Variants in ANKMY2 observed in about 807,000 individuals in gnomAD.
ANKMY2 encodes ankyrin repeat and MYND domain containing 2, also known as ankyrin repeat and MYND domain-containing protein 2.
A neutral mutation model predicts 50.4 loss-of-function variants in ANKMY2; 36 were observed. That is an observed-to-expected ratio of 0.71 (90% CI 0.55 to 0.94). ANKMY2 has a LOEUF of 0.94. Ranked by LOEUF, ANKMY2 falls within the 40% of genes least tolerant of loss-of-function variation. ANKMY2 has a pLI of 0.00. For missense variants in ANKMY2, 565 were observed against 524.0 expected (o/e 1.08, Z -0.76); for synonymous variants, 187 against 178.8 (o/e 1.05, Z -0.36).
chr7:16,639,033 T>C (rs533575786), intron 1 of ANKMY2, among the ~76,000 whole-genome samples: 3 of 152,332 alleles, frequency 2.0e-5, no homozygotes, highest in African/African-American at 7.2e-5. Context: ...TGAAACAGAT[T>C]GGGCTTCTAG....
At chr7:16,628,084 T>G (rs981060781) in intron 2 of ANKMY2, among the ~76,000 whole-genome samples, 1 of 152,224 alleles carries the variant, frequency 6.6e-6, no homozygotes, top group Non-Finnish European at 1.5e-5. Context: ...TTTTATGTAC[T>G]AGGCACTACT....
intron 1 of ANKMY2, chr7:16,644,950 G>C (rs890977839): frequency 7.5e-5 from 25 of 334,828 alleles, no homozygotes; most frequent in Non-Finnish European, 1.1e-4. Context: ...GGGGCTTCTG[G>C]AAGCCAGGGA....
intron 2 of ANKMY2, among the ~76,000 whole-genome samples, chr7:16,627,409 C>CT (rs1781521587): frequency 6.6e-6 from 1 of 152,146 alleles, no homozygotes; most frequent in African/African-American, 2.4e-5. Flanking sequence ...TCAGAGAGGA[C>CT]TTGCTCAACC....
At chr7:16,624,921 GT>G (rs1277439384) in intron 4 of ANKMY2, 61 bp downstream of exon 4, 13 of 1,442,610 alleles carry the variant, frequency 9.0e-6, no homozygotes, top group Non-Finnish European at 1.3e-5. Flanking sequence ...AGCAAAGTGG[GT>G]TTTTTTTCCA....
rs200492992 is a variant in ANKMY2, at chr7:16,602,509, C to T, written c.1012G>A (p.Val338Ile). Reference protein sequence around the residue: ...ASKRCSVCKMVIYCDQTCQKT... With the variant: ...ASKRCSVCKMIIYCDQTCQKT... ...TGGCAGGTTTGATCACAATATATTA[C>T]CTGAAAGCAATTGTTGGTTTATTTT... Residue 338 changes from valine to isoleucine, a missense_variant and splice_region_variant, in exon 9 of 10, where the codon GTA becomes ATA. By Grantham distance (29) the Val-to-Ile change is conservative (BLOSUM62 3). Coordinates refer to ENST00000306999, the MANE Select transcript of ANKMY2 (RefSeq NM_020319.3). 64 of 1,607,980 alleles carry T rather than the reference C, an allele frequency of 4.0e-5. No homozygotes were observed. Among genetic ancestry groups the T allele is most frequent in the Non-Finnish European group, 5.2e-5 (61 of 1,178,428 alleles).
In ANKMY2 at chr7:16,610,595, T is replaced by G; in HGVS notation, c.700A>C (p.Asn234His). 1 of 1,613,974 alleles carries G rather than the reference T, an allele frequency of 6.2e-7. No homozygotes were observed. The highest frequency in any genetic ancestry group is 1.3e-5 in the African/African-American group (1 of 75,066). ...YISCIFQKCI[N>H]FLKDGENKLD... The stretch of plus-strand genomic sequence containing the variant: ...TTATTCTCTCCATCTTTTAAGAAGT[T>G]AATGCATTTCTGAAAGATACAGCTT... The change falls in exon 6 of 10, where the codon AAC becomes CAC. Residue 234 changes from asparagine (N) to histidine (H), a missense_variant. Coordinates refer to ENST00000306999, the MANE Select transcript of ANKMY2 (RefSeq NM_020319.3).
intron 5 of ANKMY2, among the ~76,000 whole-genome samples, chr7:16,611,003 C>T (rs1214747105): frequency 6.6e-6 from 1 of 152,224 alleles, no homozygotes; most frequent in Non-Finnish European, 1.5e-5. Flanking sequence ...GATCTTCCAT[C>T]TACCTACACC....
chr7:16,605,915 C>G (rs893641432), intron 7 of ANKMY2, among the ~76,000 whole-genome samples: 9 of 151,868 alleles, frequency 5.9e-5, no homozygotes, highest in African/African-American at 2.2e-4. Context: ...GATCTCCTGA[C>G]CTTGTGATCT....
chr7:16,635,563 A>G (rs1201599689), intron 2 of ANKMY2, among the ~76,000 whole-genome samples: 1 of 152,206 alleles, frequency 6.6e-6, no homozygotes, highest in Non-Finnish European at 1.5e-5. Flanking sequence ...GAATCTAAAT[A>G]TCCATTTCCT....
chr7:16,635,376 C>G (rs1007726789), intron 2 of ANKMY2, among the ~76,000 whole-genome samples: 1 of 151,980 alleles, frequency 6.6e-6, no homozygotes, highest in Non-Finnish European at 1.5e-5. Context: ...GGAGAGATTA[C>G]AAAGGGGTAT....
intron 1 of ANKMY2, among the ~76,000 whole-genome samples, chr7:16,637,638 G>A (rs1338185939): frequency 6.6e-6 from 1 of 152,152 alleles, no homozygotes; most frequent in Non-Finnish European, 1.5e-5. Context: ...CAAAGCTCTT[G>A]TGTGTGTGAG....
intron 4 of ANKMY2, among the ~76,000 whole-genome samples, chr7:16,620,302 C>T (rs1036281927): frequency 1.3e-5 from 2 of 152,142 alleles, no homozygotes; most frequent in African/African-American, 4.8e-5. Flanking sequence ...AGAGAAGCAA[C>T]ACCCTGTCAA....
chr7:16,612,132 G>A (rs1781265672), intron 5 of ANKMY2, among the ~76,000 whole-genome samples: 1 of 152,178 alleles, frequency 6.6e-6, no homozygotes, highest in Non-Finnish European at 1.5e-5. Flanking sequence ...CAGACAGCCA[G>A]TCAGTACTTG....
At chr7:16,608,046 C>T (rs1201339608) in intron 7 of ANKMY2, among the ~76,000 whole-genome samples, 1 of 152,100 alleles carries the variant, frequency 6.6e-6, no homozygotes, top group East Asian at 1.9e-4. Context: ...GCCTCGTAAC[C>T]ATGAGATCAT....
chr7:16,644,773 G>C lies in ANKMY2; in HGVS notation c.67+734C>G, dbSNP rs3807506. ...ATATGGCTTCTGGCTCGTCCTCGGGGCTCCCCGCTGGGACTCAGCACTGCG... is the reference window on the plus strand; with the variant it reads ...ATATGGCTTCTGGCTCGTCCTCGGGCCTCCCCGCTGGGACTCAGCACTGCG... On this transcript the variant is annotated intron_variant, in intron 1 of 9. Transcript: ENST00000306999. The C allele has an allele frequency of 1.4e-4, 67 of 468,206 alleles. No homozygotes were observed. The East Asian group carries it at 4.0e-3, about 28-fold the overall frequency. 29.0% of individuals were successfully genotyped at this position (468,206 alleles called of 1,614,324 possible).
intron 1 of ANKMY2, among the ~76,000 whole-genome samples, chr7:16,643,624 A>G (rs1289665342): frequency 6.6e-6 from 1 of 151,508 alleles, no homozygotes; most frequent in East Asian, 1.9e-4. Context: ...ATAATCTTCA[A>G]AATAAATACT....
intron 7 of ANKMY2, among the ~76,000 whole-genome samples, chr7:16,608,924 C>T (rs1199025896): frequency 6.6e-6 from 1 of 152,130 alleles, no homozygotes; most frequent in Non-Finnish European, 1.5e-5. Flanking sequence ...TCGCTTGAAC[C>T]TGGGAAATGG....
chr7:16,636,517 A>G, intron 1 of ANKMY2, 62 bp from the exon 2 acceptor site: 1 of 1,338,690 alleles, frequency 7.5e-7, no homozygotes, highest in Non-Finnish European at 1.0e-6. Flanking sequence ...GAAAAATCTA[A>G]CATCAAGGAA....
At position 16,599,847 on chromosome 7, in the gene ANKMY2, G is replaced by T. The variant is rs931479766; in HGVS notation, c.*914C>A. 2.0e-5 allele frequency: 3 copies of T among 152,106 alleles called. No individual in the cohort carries two copies. The highest frequency in any genetic ancestry group is 4.4e-5 in the Non-Finnish European group (3 of 68,016). The allele number at this position is 152,106 out of a possible 1,614,324, so 9.4% of individuals were successfully genotyped here. ...ACCCAGAAATGCAGCATTATCTTCA[G>T]ACATCACATTCTAGCTCTGTTTAAA... is the stretch of plus-strand genomic sequence containing the variant. On this transcript the variant is annotated 3_prime_UTR_variant, in exon 10 of 10. Transcript: ENST00000306999.
Sources: gnomAD v4.1 joint callset for allele counts (sites outside exome capture counted in the v4.1 genomes callset) on GRCh38, gnomAD v4.1.1 for gene constraint, MANE v1.5 for transcripts, NCBI Gene and HGNC (gene_info 2026-07-23, HGNC 2026-07-21) for gene names.